The following ABCC4 variants were observed in gnomAD, a reference collection of about 807,000 sequenced individuals.
ABCC4 encodes the protein ATP-binding cassette sub-family C member 4.
Under a neutral mutation model 168.5 loss-of-function variants are expected in ABCC4, and 102 were observed. That is an observed-to-expected ratio of 0.61 (90% CI 0.52 to 0.71). The LOEUF is 0.71. ABCC4 is among the 30% of genes least tolerant of loss of function. The pLI is 0.00. For synonymous variants in ABCC4, 617 were observed against 590.7 expected (o/e 1.04, Z -0.65); for missense variants, 1,402 against 1,605.8 (o/e 0.87, Z 2.17).
intron 20 of ABCC4, among the ~76,000 whole-genome samples, chr13:95,103,616 G>C (rs1415477722): frequency 6.6e-6 from 1 of 152,124 alleles, no homozygotes; most frequent in Non-Finnish European, 1.5e-5. Flanking sequence ...CTATTCAGAA[G>C]CAAGGGCTTT....
intron 11 of ABCC4, 36 bp downstream of exon 11, chr13:95,186,665 C>G: frequency 1.9e-6 from 3 of 1,583,918 alleles, no homozygotes; most frequent in Non-Finnish European, 2.6e-6. Flanking sequence ...TATTACTGGA[C>G]ATTCGAGTAC....
chr13:95,237,785 G>A (rs1251691820), intron 3 of ABCC4, among the ~76,000 whole-genome samples: 1 of 152,070 alleles, frequency 6.6e-6, no homozygotes, highest in Non-Finnish European at 1.5e-5. Flanking sequence ...CAGATTGCAT[G>A]GGAAGGAAAG....
chr13:95,208,318 A>C (rs1264287290), intron 6 of ABCC4, among the ~76,000 whole-genome samples: 1 of 132,382 alleles, frequency 7.6e-6, no homozygotes, highest in Non-Finnish European at 1.6e-5. Context: ...TGTTAACTCC[A>C]CCGGGAAAGA....
At chr13:95,180,741 T>A (rs1179376847) in intron 11 of ABCC4, among the ~76,000 whole-genome samples, 1 of 152,234 alleles carries the variant, frequency 6.6e-6, no homozygotes, top group East Asian at 1.9e-4. Flanking sequence ...TGATTTTACA[T>A]TGTTTTGTTT....
intron 16 of ABCC4, 53 bp downstream of exon 16, chr13:95,164,325 C>T: frequency 6.2e-7 from 1 of 1,602,926 alleles, no homozygotes; most frequent in Non-Finnish European, 8.5e-7. Flanking sequence ...ATAGCATAAA[C>T]ATAGGTACTG....
intron 27 of ABCC4, among the ~76,000 whole-genome samples, chr13:95,049,588 C>A (rs1044349254): frequency 6.6e-6 from 1 of 151,844 alleles, no homozygotes; most frequent in Non-Finnish European, 1.5e-5. Context: ...TTGCAGTGAG[C>A]CGAGACTGTG....
chr13:95,211,394 G>A (rs1444547372), intron 4 of ABCC4, among the ~76,000 whole-genome samples: 1 of 152,166 alleles, frequency 6.6e-6, no homozygotes, highest in East Asian at 1.9e-4. Flanking sequence ...ACAGAGAACT[G>A]GGGACAGTTC....
At chr13:95,278,163 GT>G (rs1160797197) in intron 1 of ABCC4, among the ~76,000 whole-genome samples, 5 of 152,132 alleles carry the variant, frequency 3.3e-5, no homozygotes, top group Non-Finnish European at 5.9e-5. Context: ...ATGCTACCAG[GT>G]TTTTACCAAT....
At chr13:95,129,845 C>T (rs1594146341) in intron 19 of ABCC4, among the ~76,000 whole-genome samples, 1 of 152,040 alleles carries the variant, frequency 6.6e-6, no homozygotes, top group African/African-American at 2.4e-5. Flanking sequence ...GAGGCCAAGG[C>T]GGGTGGATCA....
chr13:95,090,744 C>T (rs542751697), intron 20 of ABCC4, among the ~76,000 whole-genome samples: 3 of 152,258 alleles, frequency 2.0e-5, no homozygotes, highest in Admixed American at 6.5e-5. Context: ...CACAAAATCA[C>T]ACTAGTTCAC....
intron 1 of ABCC4, among the ~76,000 whole-genome samples, chr13:95,281,629 G>T (rs1294245511): frequency 1.3e-5 from 2 of 152,140 alleles, no homozygotes; most frequent in East Asian, 3.9e-4. Context: ...AAAAGAGGGA[G>T]TAGTTCTATA....
chr13:95,203,298 T>C (rs1172374163), intron 8 of ABCC4, among the ~76,000 whole-genome samples: 1 of 151,328 alleles, frequency 6.6e-6, no homozygotes, highest in Non-Finnish European at 1.5e-5. Context: ...CCAAGGAAAG[T>C]CCATTTGTTT....
At chr13:95,064,318 A>C (rs2033439644) in intron 25 of ABCC4, among the ~76,000 whole-genome samples, 2 of 146,734 alleles carry the variant, frequency 1.4e-5, no homozygotes, top group Admixed American at 6.9e-5. Context: ...ACACCAATTG[A>C]ATTTCTGAGA....
At chr13:95,147,662 T>C (rs2036544542) in intron 19 of ABCC4, among the ~76,000 whole-genome samples, 1 of 152,196 alleles carries the variant, frequency 6.6e-6, no homozygotes, top group South Asian at 2.1e-4. Context: ...GGACTAGTTA[T>C]AGCATTTTTT....
At chr13:95,147,117 G>C (rs572966912) in intron 19 of ABCC4, among the ~76,000 whole-genome samples, 1 of 152,348 alleles carries the variant, frequency 6.6e-6, no homozygotes, top group East Asian at 1.9e-4. Context: ...CTCTGGACTA[G>C]TTGGGTGTCT....
At chr13:95,071,607 A>T in intron 25 of ABCC4, 55 bp downstream of exon 25, 1 of 1,349,922 alleles carries the variant, frequency 7.4e-7, no homozygotes, top group Non-Finnish European at 9.7e-7. Flanking sequence ...GACAACAAGC[A>T]GACATAGCAC....
At chr13:95,217,867 C>T (rs912214740) in intron 4 of ABCC4, among the ~76,000 whole-genome samples, 1 of 152,164 alleles carries the variant, frequency 6.6e-6, no homozygotes, top group Non-Finnish European at 1.5e-5. Context: ...CTCACAGAGT[C>T]CCCAAATGGC....
Position 95,034,702 on chromosome 13 carries a change from G to A in ABCC4, c.3773C>T (p.Pro1258Leu), listed in dbSNP as rs777625353. The A allele has an allele frequency of 5.0e-6, 8 of 1,614,136 alleles. No homozygotes were observed. Among genetic ancestry groups the A allele is most frequent in the South Asian group, 3.3e-5 (3 of 91,074 alleles). ...DSGRLKEYDEPYVLLQNKESL... is the reference protein window; with the variant it reads ...DSGRLKEYDELYVLLQNKESL... ...CTCTTTATTTTGCAGCAAAACATACGGCTCATCATATTCTTTCAGTCTTCC... is the reference window on the plus strand; with the variant it reads ...CTCTTTATTTTGCAGCAAAACATACAGCTCATCATATTCTTTCAGTCTTCC... The change falls in exon 30 of 31, where the codon CCG becomes CTG. Residue 1258 changes from proline to leucine, a missense_variant. Transcript: ENST00000645237.
intron 26 of ABCC4, among the ~76,000 whole-genome samples, chr13:95,057,222 G>A (rs1273485093): frequency 6.6e-6 from 1 of 151,632 alleles, no homozygotes; most frequent in East Asian, 2.0e-4. Flanking sequence ...TACAAATTGA[G>A]GGGTACTTTC....
Sources: allele counts gnomAD v4.1 joint callset (sites outside exome capture counted in the v4.1 genomes callset), GRCh38; gene constraint gnomAD v4.1.1; transcripts MANE v1.5; gene names NCBI Gene and HGNC (gene_info 2026-07-23, HGNC 2026-07-21).